The following TRABD2B variants were observed in gnomAD, a reference collection of about 807,000 sequenced individuals.
TRABD2B encodes metalloprotease TIKI2.
A neutral mutation model predicts 40.1 loss-of-function variants in TRABD2B; 14 were observed. The ratio of observed to expected loss-of-function variants is 0.35; its 90% CI spans 0.23 to 0.55. The LOEUF is 0.55. TRABD2B is among the 20% of genes least tolerant of loss of function. TRABD2B has a pLI of 0.90. For synonymous variants in TRABD2B, 263 were observed against 277.0 expected, an observed-to-expected ratio of 0.95 and a Z score of 0.50; for missense variants, 541 against 648.6, an observed-to-expected ratio of 0.83 and a Z score of 1.80.
intron 2 of TRABD2B, among the ~76,000 whole-genome samples, chr1:47,943,069 C>T (rs1461334168): frequency 6.6e-6 from 1 of 152,148 alleles, no homozygotes; most frequent in Non-Finnish European, 1.5e-5. Context: ...TATTCTGAGC[C>T]TTTAGAAAAG....
chr1:47,772,949 T>C (rs965006725), intron 6 of TRABD2B, among the ~76,000 whole-genome samples: 1 of 152,238 alleles, frequency 6.6e-6, no homozygotes, highest in Non-Finnish European at 1.5e-5. Context: ...AGGGGCTCCC[T>C]TCTTGCCAAA....
At chr1:47,935,176 C>T (rs1645090827) in intron 2 of TRABD2B, among the ~76,000 whole-genome samples, 1 of 152,184 alleles carries the variant, frequency 6.6e-6, no homozygotes, top group South Asian at 2.1e-4. Flanking sequence ...CTGAGGGCTT[C>T]CTCTTTGCCA....
chr1:47,890,309 C>A (rs1644427215), intron 2 of TRABD2B, among the ~76,000 whole-genome samples: 1 of 152,168 alleles, frequency 6.6e-6, no homozygotes, highest in Non-Finnish European at 1.5e-5. Context: ...GTGGCCAATG[C>A]CTAACACTGC....
At chr1:47,843,875 C>T (rs1645432148) in intron 2 of TRABD2B, among the ~76,000 whole-genome samples, 1 of 152,080 alleles carries the variant, frequency 6.6e-6, no homozygotes, top group Non-Finnish European at 1.5e-5. Context: ...GTAGTTTATC[C>T]CCTCCCAAGA....
intron 2 of TRABD2B, among the ~76,000 whole-genome samples, chr1:47,891,348 A>G (rs1318669757): frequency 1.3e-5 from 2 of 152,334 alleles, no homozygotes; most frequent in South Asian, 2.1e-4. Context: ...AGCAGGGCGC[A>G]GAGACAGAGA....
chr1:47,922,186 C>T (rs777282384), intron 2 of TRABD2B, among the ~76,000 whole-genome samples: 8 of 152,084 alleles, frequency 5.3e-5, no homozygotes, highest in Non-Finnish European at 1.2e-4. Flanking sequence ...TGTGAGCTGG[C>T]CTGGGGGAGA....
chr1:47,972,204 T>G (rs1645691191), intron 2 of TRABD2B, among the ~76,000 whole-genome samples: 1 of 152,222 alleles, frequency 6.6e-6, no homozygotes, highest in South Asian at 2.1e-4. Context: ...CCAGTTTTCT[T>G]GCACACAGGT....
In TRABD2B at chr1:47,994,221, C is replaced by A; in HGVS notation, c.479G>T (p.Arg160Leu). The change falls in exon 2 of 7, where the codon CGC (arginine) becomes CTC (leucine). Residue 160 changes from arginine to leucine, a missense_variant. By Grantham distance (102) the Arg-to-Leu change is moderately radical. Coordinates refer to ENST00000606738, the MANE Select transcript of TRABD2B (RefSeq NM_001194986.2). The surrounding 1 kb of genome is among the most constrained non-coding windows in gnomAD (Gnocchi z 6.7). ...LFNAIAGNWERKRPVWVMLMV... is the reference protein window; with the variant it reads ...LFNAIAGNWELKRPVWVMLMV... ...GAGCATCACCCAGACGGGCCTCTTG[C>A]GCTCCCAGTTGCCCGCGATGGCATT... 6 of 1,546,536 alleles carry A rather than the reference C, an allele frequency of 3.9e-6. No individual in the cohort carries two copies. The highest frequency in any genetic ancestry group is 5.2e-6 in the Non-Finnish European group (6 of 1,151,838).
At chr1:47,928,009 C>A (rs988823843) in intron 2 of TRABD2B, among the ~76,000 whole-genome samples, 16 of 152,142 alleles carry the variant, frequency 1.1e-4, no homozygotes, top group Non-Finnish European at 1.9e-4. Context: ...GACTCTTGGG[C>A]CCTACACTAG....
chr1:47,951,614 T>G (rs766329765), intron 2 of TRABD2B, among the ~76,000 whole-genome samples: 3 of 152,134 alleles, frequency 2.0e-5, no homozygotes, highest in Non-Finnish European at 2.9e-5. Context: ...GCTGGTTGGC[T>G]GTGCCATCTC....
intron 2 of TRABD2B, among the ~76,000 whole-genome samples, chr1:47,959,598 A>G (rs1645479158): frequency 6.6e-6 from 1 of 152,360 alleles, no homozygotes; most frequent in East Asian, 1.9e-4. Context: ...ATGCAAATAA[A>G]CTAGAAAATC....
chr1:47,911,653 C>T (rs988790075), intron 2 of TRABD2B, among the ~76,000 whole-genome samples: 1 of 152,192 alleles, frequency 6.6e-6, no homozygotes, highest in Admixed American at 6.5e-5. Flanking sequence ...CTATTGCGAG[C>T]CCCTTGTGTC....
chr1:47,958,721 G>A (rs190801470), intron 2 of TRABD2B, among the ~76,000 whole-genome samples: 136 of 152,268 alleles, frequency 8.9e-4, no homozygotes, highest in African/African-American at 3.1e-3. Flanking sequence ...CAAGTCCTTA[G>A]AGACCTACAA....
intron 2 of TRABD2B, among the ~76,000 whole-genome samples, chr1:47,973,792 A>T (rs1445031261): frequency 6.6e-6 from 1 of 152,222 alleles, no homozygotes; most frequent in Non-Finnish European, 1.5e-5. Flanking sequence ...TACCACAGGC[A>T]AAGCAATGTT....
At position 47,903,465 on chromosome 1, in the gene TRABD2B, T is replaced by A. The variant is rs191685861; in HGVS notation, c.666+90569A>T. ...TGGGAATCATTTTCTGAGCAGGGGC[T>A]CCTTGAGGAGAAGGAGCTTTGTCTG... On this transcript the variant is annotated intron_variant, in intron 2 of 6. Transcript: ENST00000606738. Among the ~76,000 whole-genome samples, 364 of 152,142 alleles carry A rather than the reference T, an allele frequency of 2.4e-3. 1 individual carries two copies. The highest frequency in any genetic ancestry group is 8.0e-3 in the African/African-American group (330 of 41,504).
intron 2 of TRABD2B, among the ~76,000 whole-genome samples, chr1:47,828,603 T>C (rs1270843716): frequency 6.6e-6 from 1 of 152,084 alleles, no homozygotes; most frequent in Non-Finnish European, 1.5e-5. Flanking sequence ...AGGCCAGAGG[T>C]ATAAGTCCCT....
intron 2 of TRABD2B, among the ~76,000 whole-genome samples, chr1:47,836,219 C>T (rs1000689185): frequency 2.0e-5 from 3 of 152,152 alleles, no homozygotes; most frequent in Non-Finnish European, 4.4e-5. Context: ...GCAAGTAATG[C>T]CCCATTTTTG....
chr1:47,943,467 C>T (rs1645214830), intron 2 of TRABD2B, among the ~76,000 whole-genome samples: 1 of 152,174 alleles, frequency 6.6e-6, no homozygotes. Context: ...ATTGGTTCTA[C>T]ACCCTAATGC....
intron 2 of TRABD2B, among the ~76,000 whole-genome samples, chr1:47,922,298 G>A (rs573184158): frequency 6.6e-6 from 1 of 152,288 alleles, no homozygotes; most frequent in Non-Finnish European, 1.5e-5. Context: ...CTTGGCCCAG[G>A]CTCCACAAGA....
Sources: allele counts gnomAD v4.1 joint callset (sites outside exome capture counted in the v4.1 genomes callset), GRCh38; gene constraint gnomAD v4.1.1; non-coding constraint Gnocchi (gnomAD v3.1); transcripts MANE v1.5; gene names NCBI Gene and HGNC (gene_info 2026-07-23, HGNC 2026-07-21).